Variants in CLRN3 observed in about 807,000 individuals in gnomAD.
CLRN3 encodes the protein clarin-3.
In CLRN3, 12 loss-of-function variants were observed where a neutral mutation model predicts 16.7. The observed-to-expected ratio is 0.72, with a 90% CI of 0.46 to 1.16. The LOEUF (loss-of-function observed/expected upper bound fraction) is 1.16. CLRN3 is among the 50% of genes most tolerant of loss of function. The pLI, the probability that CLRN3 is intolerant of heterozygous loss-of-function variation, is 0.00. For missense variants in CLRN3, 296 were observed against 274.2 expected, an observed-to-expected ratio of 1.08 and a Z score of -0.56; for synonymous variants, 118 against 113.0, an observed-to-expected ratio of 1.04 and a Z score of -0.28.
rs773675099 is a variant in CLRN3, at chr10:127,878,347, G to T, written c.483C>A (p.Phe161Leu). The change falls in exon 3 of 3, where the codon TTC becomes TTA. Residue 161 changes from phenylalanine (F) to leucine (L), a missense_variant. By Grantham distance (22) the Phe-to-Leu change is conservative (BLOSUM62 0). Transcript: ENST00000368671. ...TGGTGGTTGCCGGGTAAAGCATTTGGAACAACTCTTCGGAGAGTTGGTTGG... is the reference window on the plus strand; with the variant it reads ...TGGTGGTTGCCGGGTAAAGCATTTGTAACAACTCTTCGGAGAGTTGGTTGG... ...TQSNQLSEEL[F>L]QMLYPATTSK... The T allele has an allele frequency of 3.6e-5, 58 of 1,614,192 alleles. No homozygotes were observed. The East Asian group carries it at 7.4e-4, about 20-fold the overall frequency.
intron 1 of CLRN3, among the ~76,000 whole-genome samples, chr10:127,888,604 G>C (rs1845223129): frequency 6.6e-6 from 1 of 152,158 alleles, no homozygotes; most frequent in Admixed American, 6.5e-5. Context: ...ACACATGGAG[G>C]TTAGTGGAGG....
chr10:127,892,760 T>A lies in CLRN3; in HGVS notation c.25A>T (p.Met9Leu). ...CTGGTGAAAAAGCTTGATAAGAACA[T>A]CAATGTCTTCTTTGTGGTAGGCATT... MPTTKKTLMFLSSFFTSLG... is the reference protein window; with the variant it reads MPTTKKTLLFLSSFFTSLG... Residue 9 changes from methionine to leucine, a missense_variant, in exon 1 of 3, where the codon ATG becomes TTG. Met to Leu is a conservative substitution (Grantham distance 15, BLOSUM62 2). Coordinates refer to ENST00000368671, the MANE Select transcript of CLRN3 (RefSeq NM_152311.5). 1.9e-6 allele frequency: 3 copies of A among 1,611,954 alleles called. No homozygotes were observed. Among genetic ancestry groups the A allele is most frequent in the Non-Finnish European group, 2.5e-6 (3 of 1,178,648 alleles).
intron 2 of CLRN3, among the ~76,000 whole-genome samples, chr10:127,883,425 T>C (rs1228684746): frequency 2.6e-5 from 4 of 152,242 alleles, no homozygotes; most frequent in African/African-American, 9.6e-5. Context: ...TTTGTGCATT[T>C]TGACTTCTTA....
Position 127,877,925 on chromosome 10 carries a change from C to T in CLRN3, c.*224G>A. On this transcript the variant is annotated 3_prime_UTR_variant, in exon 3 of 3. Coordinates refer to ENST00000368671, the MANE Select transcript of CLRN3 (RefSeq NM_152311.5). Reference sequence around the variant, plus strand: ...CGTTACGCTCATCATGATACTACTGCTTTGAATACCACACAGACCAGCGAC... The same window carrying T: ...CGTTACGCTCATCATGATACTACTGTTTTGAATACCACACAGACCAGCGAC... 1.8e-6 allele frequency: 1 copy of T among 550,132 alleles called. No homozygotes were observed. Among genetic ancestry groups the T allele is most frequent in the South Asian group, 2.2e-5 (1 of 46,454 alleles). 34.1% of individuals were successfully genotyped at this position (550,132 alleles called of 1,614,324 possible). A position where few individuals can be genotyped will look rare whatever the true frequency, so the allele number is the denominator to read the frequency against.
chr10:127,891,553 G>A (rs1218542916), intron 1 of CLRN3, among the ~76,000 whole-genome samples: 2 of 152,176 alleles, frequency 1.3e-5, no homozygotes, highest in Non-Finnish European at 2.9e-5. Flanking sequence ...GGGAGATGCT[G>A]CTTTTGCTAA....
chr10:127,879,361 A>G (rs1845099289), intron 2 of CLRN3, among the ~76,000 whole-genome samples: 1 of 152,140 alleles, frequency 6.6e-6, no homozygotes, highest in Admixed American at 6.5e-5. Context: ...TCGGCCTCCA[A>G]AAGTGCCGAG....
chr10:127,888,896 G>T (rs1451989612), intron 1 of CLRN3, among the ~76,000 whole-genome samples: 1 of 152,134 alleles, frequency 6.6e-6, no homozygotes, highest in Non-Finnish European at 1.5e-5. Context: ...ACTCAATTAG[G>T]ATCACCTGGG....
Position 127,892,806 on chromosome 10 carries a change from C to T in CLRN3, c.-22G>A. 2.8e-6 allele frequency: 4 copies of T among 1,437,486 alleles called. No homozygotes were observed. The South Asian group carries it at 4.6e-5, about 17-fold the overall frequency. The allele number at this position is 1,437,486 out of a possible 1,614,324, so 89.0% of individuals were successfully genotyped here. A position where few individuals can be genotyped will look rare whatever the true frequency, so the allele number is the denominator to read the frequency against. On this transcript the variant is annotated 5_prime_UTR_variant, in exon 1 of 3. Transcript: ENST00000368671. ...GCATTTTCACAGGAAAATAAGTTCT[C>T]TAGGACAAAAAAAGGAATATCTTCT... is the stretch of plus-strand genomic sequence containing the variant.
Position 127,883,842 on chromosome 10 carries a change from G to T in CLRN3, c.263C>A (p.Thr88Asn). 6.2e-7 allele frequency: 1 copy of T among 1,614,180 alleles called. No individual in the cohort carries two copies. Among genetic ancestry groups the T allele is most frequent in the Non-Finnish European group, 8.5e-7 (1 of 1,180,020 alleles). Reference protein sequence around the residue: ...LEILNNSSQKTLHSVTILFLV... With the variant: ...LEILNNSSQKNLHSVTILFLV... ...GAACAGGATAGTCACCGAATGCAGAGTTTTTTGGGAAGAATTATTCAGTAT... is the reference window on the plus strand; with the variant it reads ...GAACAGGATAGTCACCGAATGCAGATTTTTTTGGGAAGAATTATTCAGTAT... Residue 88 changes from threonine (T) to asparagine (N), a missense_variant, in exon 2 of 3, where the codon ACT becomes AAT. Transcript: ENST00000368671.
chr10:127,888,640 C>A (rs909492945), intron 1 of CLRN3, among the ~76,000 whole-genome samples: 1 of 152,074 alleles, frequency 6.6e-6, no homozygotes, highest in African/African-American at 2.4e-5. Context: ...TGGGGGAGTG[C>A]CAGATGGGGA....
At chr10:127,883,035 G>A (rs1591259903) in intron 2 of CLRN3, among the ~76,000 whole-genome samples, 1 of 152,160 alleles carries the variant, frequency 6.6e-6, no homozygotes, top group South Asian at 2.1e-4. Flanking sequence ...CTTCCCATCT[G>A]GGCTCCATCC....
At chr10:127,882,110 G>A (rs1564778109) in intron 2 of CLRN3, among the ~76,000 whole-genome samples, 1 of 152,232 alleles carries the variant, frequency 6.6e-6, no homozygotes, top group East Asian at 1.9e-4. Context: ...ATATCTGATT[G>A]TGTAACAAAG....
At chr10:127,883,100 A>T (rs1171233970) in intron 2 of CLRN3, among the ~76,000 whole-genome samples, 1 of 152,150 alleles carries the variant, frequency 6.6e-6, no homozygotes, top group Admixed American at 6.5e-5. Flanking sequence ...CCACCCAGCA[A>T]CACCCCAGGC....
At chr10:127,883,673 C>G in intron 2 of CLRN3, 23 bp downstream of exon 2, 2 of 1,564,608 alleles carry the variant, frequency 1.3e-6, no homozygotes, top group East Asian at 4.5e-5. Context: ...CTGCAGAGCA[C>G]CGAGTCTCAC....
chr10:127,891,105 C>G (rs569241619), intron 1 of CLRN3, among the ~76,000 whole-genome samples: 56 of 152,302 alleles, frequency 3.7e-4, no homozygotes, highest in African/African-American at 1.3e-3. Context: ...ACCTGGGCTG[C>G]CGCACCTACC....
intron 2 of CLRN3, among the ~76,000 whole-genome samples, chr10:127,879,874 C>G (rs1011482452): frequency 2.0e-5 from 3 of 152,156 alleles, no homozygotes; most frequent in African/African-American, 7.2e-5. Flanking sequence ...CCAGTGAGGT[C>G]TGATACGCAC....
chr10:127,877,980 GA>G lies in CLRN3; in HGVS notation c.*168del. ...CCCATTCATTTCCCCAACCTTGTGGGAAAAATTTTCAGGAGTACAGCATCAA... is the reference window on the plus strand; with the variant it reads ...CCCATTCATTTCCCCAACCTTGTGGGAAAATTTTCAGGAGTACAGCATCAA... On this transcript the variant is annotated 3_prime_UTR_variant, in exon 3 of 3. Coordinates refer to ENST00000368671, the MANE Select transcript of CLRN3 (RefSeq NM_152311.5). 1 of 808,988 alleles carries G rather than the reference GA, an allele frequency of 1.2e-6. No individual in the cohort carries two copies. The highest frequency in any genetic ancestry group is 1.9e-5 in the South Asian group (1 of 53,350). The allele number at this position is 808,988 out of a possible 1,614,324, so 50.1% of individuals were successfully genotyped here.
intron 1 of CLRN3, 103 bp downstream of exon 1, chr10:127,892,453 C>A: frequency 1.4e-6 from 1 of 740,540 alleles, no homozygotes; most frequent in Non-Finnish European, 2.3e-6. Context: ...TAACCCAAAA[C>A]TTACAAAGAA....
chr10:127,883,268 TCATGTGTGTGTGTGTGTGTGTGCA>T (rs1456421368), intron 2 of CLRN3, among the ~76,000 whole-genome samples: 3 of 62,478 alleles, frequency 4.8e-5, no homozygotes, highest in Non-Finnish European at 7.5e-5. Context: ...GCTGGTGTGT[TCATGTGTGTGTGTGTGTGTGTGCA>T]CATGTGTGTG....
Sources: gnomAD v4.1 joint callset for allele counts (sites outside exome capture counted in the v4.1 genomes callset) on GRCh38, gnomAD v4.1.1 for gene constraint, MANE v1.5 for transcripts, NCBI Gene and HGNC (gene_info 2026-07-23, HGNC 2026-07-21) for gene names.